The following AGAP3 variants were observed in gnomAD, a reference collection of about 807,000 sequenced individuals.
AGAP3 encodes ArfGAP with GTPase domain, ankyrin repeat and PH domain 3.
In AGAP3, 24 loss-of-function variants were observed where a neutral mutation model predicts 96.9. That is an observed-to-expected ratio of 0.25 (90% CI 0.18 to 0.35). The LOEUF (loss-of-function observed/expected upper bound fraction) is 0.35, where lower values mean the gene tolerates loss of function less well. Among genes scored for constraint, AGAP3 ranks in the 10% least tolerant of loss-of-function variants. AGAP3 has a pLI of 1.00. For missense variants in AGAP3, 876 were observed against 1,254.2 expected (o/e 0.70, Z 4.55); for synonymous variants, 563 against 536.1 (o/e 1.05, Z -0.69).
At chr7:151,123,191 GAAGC>G in intron 8 of AGAP3, 1 of 1,057,376 alleles carries the variant, frequency 9.5e-7, no homozygotes, top group Non-Finnish European at 1.1e-6. Context: ...TCCTGCTCCG[GAAGC>G]CGCCGCCGCC....
chr7:151,142,492 C>G lies in AGAP3; in HGVS notation c.2131C>G (p.Leu711Val). 1 of 1,613,962 alleles carries G rather than the reference C, an allele frequency of 6.2e-7. No homozygotes were observed. Among genetic ancestry groups the G allele is most frequent in the Non-Finnish European group, 8.5e-7 (1 of 1,180,034 alleles). The change falls in exon 16 of 18, where the codon CTG (leucine) becomes GTG (valine). Residue 711 changes from leucine (L) to valine (V), a missense_variant. By Grantham distance (32) the Leu-to-Val change is conservative (BLOSUM62 1). Around this residue, in one of 8 missense-constraint regions of AGAP3, gnomAD observed 103 missense variants for 183.0 expected, o/e 0.56. Coordinates refer to ENST00000397238, the MANE Select transcript of AGAP3 (RefSeq NM_031946.7). The surrounding 1 kb of genome is among the most constrained non-coding windows in gnomAD (Gnocchi z 7.5). ...CATCCACCGACACCTGGGGGCTCAC[C>G]TGTCCCGGGTGCGCTCCCTTGACCT... ...SGIHRHLGAH[L>V]SRVRSLDLDD...
intron 9 of AGAP3, among the ~76,000 whole-genome samples, chr7:151,127,807 G>T (rs1434905205): frequency 6.6e-6 from 1 of 152,198 alleles, no homozygotes; most frequent in Non-Finnish European, 1.5e-5. Context: ...CTTCCTAGTG[G>T]GGTCTACCTC....
In AGAP3 at chr7:151,142,978, C is replaced by T. The variant is rs1236714303; in HGVS notation, c.2273+344C>T. On this transcript the variant is annotated intron_variant, in intron 16 of 17. Transcript: ENST00000397238. The surrounding 1 kb of genome is among the most constrained non-coding windows in gnomAD (Gnocchi z 7.5). ...AGTGTGTGGCCCCCCAGTGCAGGCC[C>T]CCACCCGCTTTGTTCCAGCACTGCC... Among the ~76,000 whole-genome samples the T allele has an allele frequency of 6.6e-6, 1 of 152,168 alleles. No individual in the cohort carries two copies. The highest frequency in any genetic ancestry group is 1.5e-5 in the Non-Finnish European group (1 of 68,022).
chr7:151,127,151 A>G (rs1449764164), intron 9 of AGAP3, among the ~76,000 whole-genome samples: 1 of 152,154 alleles, frequency 6.6e-6, no homozygotes, highest in Non-Finnish European at 1.5e-5. Flanking sequence ...TTAGCCTTCT[A>G]TTAGGAAGAA....
rs1563524479 is a variant in AGAP3 at position 151,138,280 on chromosome 7, A to AC, written c.1635dup (p.Thr546HisfsTer16). 1 of 1,612,656 alleles carries AC rather than the reference A, an allele frequency of 6.2e-7. No individual in the cohort carries two copies. The highest frequency in any genetic ancestry group is 8.5e-7 in the Non-Finnish European group (1 of 1,179,620). Reference sequence around the variant, plus strand: ...CAGCGCCGACCAGTGGAGTGAGGCCACCACTTCCCTGCCCCCAGGCATGCA... The same window carrying AC: ...CAGCGCCGACCAGTGGAGTGAGGCCACCCACTTCCCTGCCCCCAGGCATGCA... On this transcript the variant is annotated frameshift_variant, in exon 12 of 18. Coordinates refer to ENST00000397238, the MANE Select transcript of AGAP3 (RefSeq NM_031946.7). LOFTEE classifies it high-confidence loss of function.
chr7:151,098,852 G>C (rs563100462), intron 1 of AGAP3, among the ~76,000 whole-genome samples: 49 of 147,080 alleles, frequency 3.3e-4, no homozygotes, highest in South Asian at 1.4e-3. Flanking sequence ...CCCTGCCTTA[G>C]CCTCCCGAGT....
At chr7:151,122,548 C>CTCCTCCTCCTCCTTG (rs1279699669) in intron 8 of AGAP3, among the ~76,000 whole-genome samples, 1 of 151,632 alleles carries the variant, frequency 6.6e-6, no homozygotes, top group Non-Finnish European at 1.5e-5. Flanking sequence ...CCTCCTCCTT[C>CTCCTCCTCCTCCTTG]TCCTCCTCCT....
At chr7:151,119,923 A>C (rs1585079649) in intron 7 of AGAP3, 64 bp from the exon 8 acceptor site, 177 of 1,554,454 alleles carry the variant, frequency 1.1e-4, no homozygotes, top group Non-Finnish European at 1.4e-4. Context: ...GATTCCCGGC[A>C]CCCGCCTGGT....
intron 8 of AGAP3, chr7:151,123,369 T>C: frequency 9.5e-7 from 1 of 1,050,750 alleles, no homozygotes; most frequent in Non-Finnish European, 1.1e-6. Flanking sequence ...ACGCGCTCGG[T>C]GCCACGTGCC....
chr7:151,136,049 G>A (rs1800580292), intron 11 of AGAP3, among the ~76,000 whole-genome samples: 2 of 152,242 alleles, frequency 1.3e-5, no homozygotes, highest in Non-Finnish European at 2.9e-5. Flanking sequence ...CTGCCGTGGG[G>A]TTGTACTGGC....
At chr7:151,105,115 T>A (rs935200584) in intron 1 of AGAP3, among the ~76,000 whole-genome samples, 2 of 152,182 alleles carry the variant, frequency 1.3e-5, no homozygotes, top group African/African-American at 4.8e-5. Context: ...TGAAATAAAA[T>A]TTAAAAAAGA....
At position 151,143,466 on chromosome 7, in the gene AGAP3, T is replaced by C; in HGVS notation, c.2399T>C (p.Leu800Pro). The change falls in exon 17 of 18, where the codon CTG becomes CCG. Residue 800 changes from leucine (L) to proline (P), a missense_variant. Leu to Pro is a moderately conservative substitution (Grantham distance 98). Around this residue, in one of 8 missense-constraint regions of AGAP3, gnomAD observed 213 missense variants for 253.8 expected, o/e 0.84. Transcript: ENST00000397238. This position sits in a 1 kb window ranked among gnomAD's most constrained non-coding sequence, Gnocchi z 5.9. ...LRAVVEDDLRLLVMLLAHGSK... is the reference protein window; with the variant it reads ...LRAVVEDDLRPLVMLLAHGSK... ...GCCGTGGTGGAAGATGACCTGCGGC[T>C]GTTGGTGATGCTCCTGGCACATGGC... The C allele has an allele frequency of 1.2e-6, 2 of 1,614,212 alleles. No homozygotes were observed. Among genetic ancestry groups the C allele is most frequent in the Non-Finnish European group, 1.7e-6 (2 of 1,180,036 alleles).
In AGAP3 at chr7:151,116,934, C is replaced by T. The variant is rs557177917; in HGVS notation, c.390+83C>T. 4.0e-4 allele frequency: 624 copies of T among 1,573,938 alleles called. 3 individuals carry two copies. The South Asian group carries it at 4.8e-3, about 12-fold the overall frequency. ...GCCGCGGGCCTGGGCCTTGCTTCTC[C>T]GGCTTCTGTCCCCTTCTCTGCTCAG... On this transcript the variant is annotated intron_variant, in intron 2 of 17. Coordinates refer to ENST00000397238, the MANE Select transcript of AGAP3 (RefSeq NM_031946.7).
chr7:151,110,232 A>G (rs1563453642), intron 1 of AGAP3, among the ~76,000 whole-genome samples: 1 of 152,212 alleles, frequency 6.6e-6, no homozygotes. Context: ...CTCAGCAAAG[A>G]CTTCCACTCA....
At chr7:151,091,869 G>A (rs1268495589) in intron 1 of AGAP3, among the ~76,000 whole-genome samples, 4 of 152,112 alleles carry the variant, frequency 2.6e-5, no homozygotes, top group African/African-American at 4.8e-5. Flanking sequence ...TTCCTCAAAC[G>A]TGTGCCAGGC....
At chr7:151,127,591 T>C (rs1414110094) in intron 9 of AGAP3, among the ~76,000 whole-genome samples, 8 of 152,324 alleles carry the variant, frequency 5.3e-5, no homozygotes, top group Non-Finnish European at 1.2e-4. Context: ...ATGGTGATGC[T>C]GGTCCTGGAT....
Position 151,142,391 on chromosome 7 carries a change from C to A in AGAP3, c.2051-21C>A. The A allele has an allele frequency of 6.2e-7, 1 of 1,609,222 alleles. No homozygotes were observed. Among genetic ancestry groups the A allele is most frequent in the African/African-American group, 1.3e-5 (1 of 74,966 alleles). On this transcript the variant is annotated intron_variant, in intron 15 of 17. Coordinates refer to ENST00000397238, the MANE Select transcript of AGAP3 (RefSeq NM_031946.7). The surrounding 1 kb of genome is among the most constrained non-coding windows in gnomAD (Gnocchi z 7.5). ...GGTGGCCTGCCTGCTGTCGCTGTAT[C>A]ATTCTCCTCTCCTTGCCTAGATCCA... is the stretch of plus-strand genomic sequence containing the variant.
Position 151,120,003 on chromosome 7 carries a change from G to A in AGAP3, c.986G>A (p.Gly329Asp). 1 of 1,613,232 alleles carries A rather than the reference G, an allele frequency of 6.2e-7. No homozygotes were observed. Among genetic ancestry groups the A allele is most frequent in the Non-Finnish European group, 8.5e-7 (1 of 1,179,858 alleles). Residue 329 changes from glycine (G) to aspartate (D), a missense_variant, in exon 8 of 18, where the codon GGC becomes GAC. By Grantham distance (94) the Gly-to-Asp change is moderately conservative. Coordinates refer to ENST00000397238, the MANE Select transcript of AGAP3 (RefSeq NM_031946.7). ...TGTCCTTAGGCCACGAATGGCGGCGGCAGCGCCTTCAGCGACTACTCGTCC... is the reference window on the plus strand; with the variant it reads ...TGTCCTTAGGCCACGAATGGCGGCGACAGCGCCTTCAGCGACTACTCGTCC... ...VHINQATNGG[G>D]SAFSDYSSSV...
chr7:151,098,321 T>C (rs539787375), intron 1 of AGAP3, among the ~76,000 whole-genome samples: 10 of 152,186 alleles, frequency 6.6e-5, no homozygotes, highest in African/African-American at 2.4e-4. Context: ...ATTGCACCAC[T>C]GCACTTCAGC....
Sources: allele counts gnomAD v4.1 joint callset (sites outside exome capture counted in the v4.1 genomes callset), GRCh38; gene constraint gnomAD v4.1.1; regional missense constraint gnomAD v4.1.1; non-coding constraint Gnocchi (gnomAD v3.1); transcripts MANE v1.5; gene names NCBI Gene and HGNC (gene_info 2026-07-23, HGNC 2026-07-21).